Variants in SPEN observed in about 807,000 individuals in gnomAD.
SPEN encodes msx2-interacting protein.
In SPEN, 18 loss-of-function variants were observed where a neutral mutation model predicts 269.9. The ratio of observed to expected loss-of-function variants is 0.07; its 90% CI spans 0.05 to 0.10. The LOEUF (loss-of-function observed/expected upper bound fraction) is 0.10, where lower values mean the gene tolerates loss of function less well. Among genes scored for constraint, SPEN ranks in the 10% least tolerant of loss-of-function variants. The probability of loss-of-function intolerance (pLI) is 1.00; values close to 1 mark genes in which losing one functional copy is unlikely to be tolerated. For missense variants in SPEN, 3,822 were observed against 4,631.2 expected (o/e 0.83, Z 5.07); for synonymous variants, 1,726 against 1,765.7 (o/e 0.98, Z 0.56).
rs2148728174 is a variant in SPEN, at chr1:15,909,349, G to C, written c.910G>C (p.Asp304His). ...SSDSSSSSSD[D>H]SPARSVQSAA... ...TGATTCCAGCAGTAGTTCAAGTGATGATTCTCCAGCTCGATCAGTTCAGTC... is the reference window on the plus strand; with the variant it reads ...TGATTCCAGCAGTAGTTCAAGTGATCATTCTCCAGCTCGATCAGTTCAGTC... Residue 304 changes from aspartate to histidine, a missense_variant, in exon 4 of 15, where the codon GAT (aspartate) becomes CAT (histidine). By Grantham distance (81) the Asp-to-His change is moderately conservative. Around this residue, in one of 16 missense-constraint regions of SPEN, gnomAD observed 327 missense variants for 350.8 expected, o/e 0.93. Coordinates refer to ENST00000375759, the MANE Select transcript of SPEN (RefSeq NM_015001.3). 1 of 1,612,564 alleles carries C rather than the reference G, an allele frequency of 6.2e-7. No individual in the cohort carries two copies.
chr1:15,876,212 A>G lies in SPEN; in HGVS notation c.415A>G (p.Asn139Asp), dbSNP rs2070628843. 1 of 1,610,094 alleles carries G rather than the reference A, an allele frequency of 6.2e-7. No homozygotes were observed. Among genetic ancestry groups the G allele is most frequent in the Admixed American group, 1.7e-5 (1 of 59,906 alleles). The change falls in exon 3 of 15, where the codon AAC becomes GAC. Residue 139 changes from asparagine to aspartate, a missense_variant. This residue lies in a region of SPEN where 327 missense variants were observed against 350.8 expected (regional missense o/e 0.93). Transcript: ENST00000375759. ...CCCTCCTAAATGCAGGGCTTCAGAT[A>G]ACAGGGAGCGTGCTTATGAACATAG... ...YERRLDGASDNRERAYEHSAY... is the reference protein window; with the variant it reads ...YERRLDGASDDRERAYEHSAY...
intron 3 of SPEN, among the ~76,000 whole-genome samples, chr1:15,897,844 A>G (rs944407933): frequency 2.6e-5 from 4 of 152,180 alleles, no homozygotes. Flanking sequence ...TCTTAATACT[A>G]TCCTAAATTT....
At position 15,847,980 on chromosome 1, in the gene SPEN, C is replaced by T. The variant is rs2070290124; in HGVS notation, c.-88C>T. On this transcript the variant is annotated 5_prime_UTR_variant, in exon 1 of 15. Coordinates refer to ENST00000375759, the MANE Select transcript of SPEN (RefSeq NM_015001.3). The stretch of plus-strand genomic sequence containing the variant: ...ACCGCCGCAGCCGCCGCCGCCGCCG[C>T]CCCGGCACCCGCCTCCCGGCGCTGA... 3.4e-6 allele frequency: 3 copies of T among 876,792 alleles called. No individual in the cohort carries two copies. The highest frequency in any genetic ancestry group is 4.5e-6 in the Non-Finnish European group (3 of 660,648). The allele number at this position is 876,792 out of a possible 1,614,324, so 54.3% of individuals were successfully genotyped here.
chr1:15,866,331 G>A (rs989650175), intron 1 of SPEN, among the ~76,000 whole-genome samples: 3 of 152,046 alleles, frequency 2.0e-5, no homozygotes, highest in Admixed American at 6.6e-5. Context: ...GATTAAAGGA[G>A]GAATACATTA....
intron 8 of SPEN, 38 bp downstream of exon 8, chr1:15,919,555 ACTCACTCGT>A: frequency 7.6e-7 from 1 of 1,311,188 alleles, no homozygotes; most frequent in Non-Finnish European, 1.1e-6. Flanking sequence ...CAGACTTCTG[ACTCACTCGT>A]CTTGGTATTC....
At chr1:15,879,552 AAGTT>A in intron 3 of SPEN, among the ~76,000 whole-genome samples, 2 of 152,288 alleles carry the variant, frequency 1.3e-5, no homozygotes, top group South Asian at 4.1e-4. Context: ...TACAATAAAA[AAGTT>A]AGTGAGAAAG....
intron 3 of SPEN, among the ~76,000 whole-genome samples, chr1:15,890,450 T>C (rs1479976984): frequency 1.3e-5 from 2 of 151,728 alleles, no homozygotes; most frequent in Non-Finnish European, 2.9e-5. Flanking sequence ...CAGGCTGGTC[T>C]CGAACTCTTG....
rs185840761 is a variant in SPEN at position 15,889,108 on chromosome 1, T to C, written c.881+12430T>C. ...ATGCGTGTCCAGAAATTAAGGAAAA[T>C]GTAGGAATTCTCATTTTAAAATAAA... On this transcript the variant is annotated intron_variant, in intron 3 of 14. Coordinates refer to ENST00000375759, the MANE Select transcript of SPEN (RefSeq NM_015001.3). 1.8e-3 allele frequency among the ~76,000 whole-genome samples: 273 copies of C among 151,944 alleles called. 2 individuals carry two copies. Among genetic ancestry groups the C allele is most frequent in the South Asian group, 4.8e-3 (23 of 4,808 alleles).
chr1:15,923,280 C>T (rs148805935), intron 10 of SPEN, among the ~76,000 whole-genome samples: 7 of 152,256 alleles, frequency 4.6e-5, no homozygotes, highest in African/African-American at 1.7e-4. Context: ...GCTGAACAGA[C>T]CGAAATATAG....
At chr1:15,861,454 A>G (rs2070448077) in intron 1 of SPEN, among the ~76,000 whole-genome samples, 2 of 152,126 alleles carry the variant, frequency 1.3e-5, no homozygotes, top group South Asian at 4.2e-4. Context: ...TGGAGTAAGG[A>G]TAAAAGTCAC....
chr1:15,873,658 A>G (rs993845730), intron 2 of SPEN: 12 of 996,888 alleles, frequency 1.2e-5, no homozygotes, highest in Non-Finnish European at 1.3e-5. Flanking sequence ...TCTACAAACA[A>G]TACTTTAACA....
intron 1 of SPEN, among the ~76,000 whole-genome samples, chr1:15,865,554 C>G (rs2070496937): frequency 6.7e-6 from 1 of 149,768 alleles, no homozygotes; most frequent in Admixed American, 6.7e-5. Context: ...TCCTGAGTAG[C>G]TGGGACTACA....
intron 10 of SPEN, among the ~76,000 whole-genome samples, chr1:15,927,165 T>A (rs2071175456): frequency 6.6e-6 from 1 of 152,242 alleles, no homozygotes; most frequent in Non-Finnish European, 1.5e-5. Context: ...GTAAATTTAA[T>A]CCTATTTTGA....
At chr1:15,857,045 A>G (rs888567341) in intron 1 of SPEN, among the ~76,000 whole-genome samples, 4 of 151,678 alleles carry the variant, frequency 2.6e-5, no homozygotes, top group Admixed American at 6.6e-5. Context: ...GTTATGGCCT[A>G]TCTGCTTTTC....
chr1:15,917,105 G>A (rs1430728711), intron 6 of SPEN, among the ~76,000 whole-genome samples: 2 of 152,152 alleles, frequency 1.3e-5, no homozygotes, highest in Non-Finnish European at 2.9e-5. Context: ...TCCAGCGTGG[G>A]TGACAGAGTG....
At chr1:15,897,315 A>AGTAGCTGG (rs1323291812) in intron 3 of SPEN, among the ~76,000 whole-genome samples, 2 of 151,200 alleles carry the variant, frequency 1.3e-5, no homozygotes, top group Admixed American at 6.6e-5. Flanking sequence ...CAGCCACCCG[A>AGTAGCTGG]GTAGCTGGGA....
chr1:15,938,202 C>G (rs1005107399), intron 13 of SPEN, among the ~76,000 whole-genome samples, 196 bp downstream of exon 13: 3 of 152,212 alleles, frequency 2.0e-5, no homozygotes, highest in Non-Finnish European at 2.9e-5. Flanking sequence ...CTCCCGGGTT[C>G]AAGCCATTCT....
intron 3 of SPEN, among the ~76,000 whole-genome samples, chr1:15,880,892 C>T (rs1003098181): frequency 2.6e-5 from 4 of 152,152 alleles, no homozygotes; most frequent in Non-Finnish European, 5.9e-5. Flanking sequence ...GAGGTTTAGG[C>T]TAGACAGGGA....
rs1388518547 is a variant in SPEN, at chr1:15,930,254, T to C, written c.4014T>C (p.Asn1338=). Residue 1338 remains asparagine, a synonymous_variant, in exon 11 of 15, where the codon AAT becomes AAC. Transcript: ENST00000375759. The surrounding 1 kb of genome is among the most constrained non-coding windows in gnomAD (Gnocchi z 5.3). ...LSVLNSEDEL[N]RWDSQMKQDA... The stretch of plus-strand genomic sequence containing the variant: ...TCTTGAATTCTGAAGATGAACTAAA[T>C]CGTTGGGACTCTCAGATGAAACAGG... The C allele has an allele frequency of 6.2e-7, 1 of 1,614,180 alleles. No individual in the cohort carries two copies. Among genetic ancestry groups the C allele is most frequent in the Admixed American group, 1.7e-5 (1 of 60,032 alleles).
Sources: gnomAD v4.1 joint callset for allele counts (sites outside exome capture counted in the v4.1 genomes callset) on GRCh38, gnomAD v4.1.1 for gene constraint, gnomAD v4.1.1 regional missense constraint, Gnocchi (gnomAD v3.1) non-coding constraint, MANE v1.5 for transcripts, NCBI Gene and HGNC (gene_info 2026-07-23, HGNC 2026-07-21) for gene names.